Variants in CNTN5 observed in about 807,000 individuals in gnomAD.
CNTN5 encodes the protein contactin 5.
CNTN5 carries 77 observed loss-of-function variants against 129.1 expected under a neutral mutation model. The observed-to-expected ratio is 0.60, with a 90% CI of 0.50 to 0.72. The LOEUF is 0.72. Ranked by LOEUF, CNTN5 falls within the 30% of genes least tolerant of loss-of-function variation. CNTN5 has a pLI of 0.00. For missense variants in CNTN5, 1,478 were observed against 1,328.8 expected, an observed-to-expected ratio of 1.11 and a Z score of -1.75; for synonymous variants, 509 against 465.6, an observed-to-expected ratio of 1.09 and a Z score of -1.20.
rs575614549 is a variant in CNTN5, at chr11:99,812,263, G to A, written c.56-7281G>A. Among the ~76,000 whole-genome samples the A allele has an allele frequency of 1.4e-3, 214 of 152,192 alleles. 1 individual carries two copies. Among genetic ancestry groups the A allele is most frequent in the African/African-American group, 5.0e-3 (209 of 41,544 alleles). ...AGAATTTGTTTTTGGGAATACACCT[G>A]TTAGGAAAATAAAAAATGTAATCAT... On this transcript the variant is annotated intron_variant, in intron 3 of 24. Transcript: ENST00000524871.
At chr11:99,830,808 G>A (rs960128630) in intron 4 of CNTN5, among the ~76,000 whole-genome samples, 1 of 152,012 alleles carries the variant, frequency 6.6e-6, no homozygotes, top group Non-Finnish European at 1.5e-5. Flanking sequence ...AGTATATGTG[G>A]TGTGAGCAAA....
intron 1 of CNTN5, among the ~76,000 whole-genome samples, chr11:99,101,696 A>T (rs1441021840): frequency 6.6e-6 from 1 of 152,192 alleles, no homozygotes; most frequent in Non-Finnish European, 1.5e-5. Context: ...ATGGGCTCCC[A>T]TGACCTTGGG....
intron 1 of CNTN5, among the ~76,000 whole-genome samples, chr11:99,200,350 C>G (rs11218785): frequency 0.12 from 18,819 of 152,222 alleles, 1,220 homozygotes; most frequent in Non-Finnish European, 0.14. Context: ...TGTAATATCT[C>G]TGCACTTTGT....
intron 1 of CNTN5, among the ~76,000 whole-genome samples, chr11:99,034,748 G>A (rs1486232878): frequency 6.6e-6 from 1 of 151,730 alleles, no homozygotes; most frequent in South Asian, 2.1e-4. Flanking sequence ...TTTTTGAAGG[G>A]TTTTTTGCAT....
chr11:99,902,246 T>G (rs1949377939), intron 6 of CNTN5, among the ~76,000 whole-genome samples: 1 of 151,768 alleles, frequency 6.6e-6, no homozygotes, highest in Non-Finnish European at 1.5e-5. Flanking sequence ...TAAGGAGTTT[T>G]TTTTTTTTTT....
chr11:99,319,566 T>G (rs1285252854), intron 1 of CNTN5, among the ~76,000 whole-genome samples: 1 of 152,176 alleles, frequency 6.6e-6, no homozygotes, highest in East Asian at 1.9e-4. Context: ...CCTTATGTTG[T>G]TCACTTTTTG....
intron 21 of CNTN5, among the ~76,000 whole-genome samples, chr11:100,333,741 A>G (rs1951961900): frequency 6.6e-6 from 1 of 152,158 alleles, no homozygotes; most frequent in African/African-American, 2.4e-5. Context: ...CATGTTGAAA[A>G]TGAAACTGGA....
intron 8 of CNTN5, among the ~76,000 whole-genome samples, chr11:99,989,989 T>G (rs895374035): frequency 6.6e-6 from 1 of 152,264 alleles, no homozygotes; most frequent in Non-Finnish European, 1.5e-5. Flanking sequence ...ATGGTCTCAG[T>G]CTCCTGACCT....
intron 1 of CNTN5, among the ~76,000 whole-genome samples, chr11:99,267,644 TC>T (rs1276880918): frequency 6.6e-6 from 1 of 151,988 alleles, no homozygotes; most frequent in Non-Finnish European, 1.5e-5. Context: ...ATTGGCTCCA[TC>T]TTCTTTTTGA....
intron 3 of CNTN5, among the ~76,000 whole-genome samples, chr11:99,586,234 TCC>T (rs1949789010): frequency 6.6e-6 from 1 of 152,120 alleles, no homozygotes; most frequent in South Asian, 2.1e-4. Flanking sequence ...ATTACCATCA[TCC>T]CACAAGCTCA....
chr11:99,510,593 G>A (rs1009237738), intron 2 of CNTN5, among the ~76,000 whole-genome samples: 1 of 152,058 alleles, frequency 6.6e-6, no homozygotes, highest in South Asian at 2.1e-4. Context: ...CAATGTTTTG[G>A]TCAATAATGG....
intron 13 of CNTN5, among the ~76,000 whole-genome samples, chr11:100,177,777 T>C (rs1284643190): frequency 2.0e-5 from 3 of 152,162 alleles, no homozygotes; most frequent in Admixed American, 2.0e-4. Flanking sequence ...TTGAATATAT[T>C]CATGCTCTTC....
intron 2 of CNTN5, among the ~76,000 whole-genome samples, chr11:99,345,640 C>A (rs866131329): frequency 1.3e-5 from 2 of 152,110 alleles, no homozygotes; most frequent in African/African-American, 4.8e-5. Context: ...GTCTAAAGAG[C>A]GTTAATACCT....
intron 3 of CNTN5, among the ~76,000 whole-genome samples, chr11:99,774,375 T>G (rs1222278663): frequency 6.6e-6 from 1 of 151,912 alleles, no homozygotes; most frequent in Non-Finnish European, 1.5e-5. Flanking sequence ...TTTTGCCCTG[T>G]AAAAGGAGTT....
At chr11:99,949,464 G>A (rs960823662) in intron 7 of CNTN5, among the ~76,000 whole-genome samples, 2 of 152,114 alleles carry the variant, frequency 1.3e-5, no homozygotes, top group African/African-American at 4.8e-5. Flanking sequence ...GGTTAAGGCA[G>A]GGATTTGGGG....
chr11:99,966,176 G>A (rs897068432), intron 8 of CNTN5, among the ~76,000 whole-genome samples: 7 of 152,124 alleles, frequency 4.6e-5, no homozygotes, highest in African/African-American at 1.7e-4. Flanking sequence ...CTGAAAAAAT[G>A]TAGACCTTTC....
intron 3 of CNTN5, among the ~76,000 whole-genome samples, chr11:99,708,153 G>A (rs1240801168): frequency 6.6e-6 from 1 of 151,590 alleles, no homozygotes; most frequent in Non-Finnish European, 1.5e-5. Flanking sequence ...ATCTTCCCCT[G>A]GCTTGGTATA....
chr11:99,111,688 G>T (rs1288450055), intron 1 of CNTN5, among the ~76,000 whole-genome samples: 1 of 151,740 alleles, frequency 6.6e-6, no homozygotes, highest in Non-Finnish European at 1.5e-5. Flanking sequence ...GTTTGCACTG[G>T]AGTTTATAAA....
chr11:99,932,480 A>G (rs527815067), intron 7 of CNTN5, among the ~76,000 whole-genome samples: 5 of 152,328 alleles, frequency 3.3e-5, no homozygotes, highest in Admixed American at 6.5e-5. Context: ...GGCATGAGCC[A>G]CTGCACCCAG....
Sources: allele counts gnomAD v4.1 joint callset (sites outside exome capture counted in the v4.1 genomes callset), GRCh38; gene constraint gnomAD v4.1.1; transcripts MANE v1.5; gene names NCBI Gene and HGNC (gene_info 2026-07-23, HGNC 2026-07-21).